Variants in IK observed in about 807,000 individuals in gnomAD.
The protein encoded by IK is IK cytokine.
A neutral mutation model predicts 90.9 loss-of-function variants in IK; 47 were observed. That is an observed-to-expected ratio of 0.52 (90% CI 0.41 to 0.66). IK has a LOEUF of 0.66. Among genes scored for constraint, IK ranks in the 30% least tolerant of loss-of-function variants. The pLI is 0.00. For synonymous variants in IK, 201 were observed against 227.5 expected (o/e 0.88, Z 1.05); for missense variants, 385 against 709.3 (o/e 0.54, Z 5.19).
intron 4 of IK, among the ~76,000 whole-genome samples, 191 bp downstream of exon 4, chr5:140,652,338 C>T (rs932976034): frequency 3.9e-5 from 6 of 151,970 alleles, no homozygotes; most frequent in African/African-American, 4.8e-5. Context: ...ATCTCATCTT[C>T]GCTAGTTTCT....
At chr5:140,659,702 G>A in intron 13 of IK, 54 bp from the exon 14 acceptor site, 1 of 1,109,444 alleles carries the variant, frequency 9.0e-7, no homozygotes, top group East Asian at 2.5e-5. Context: ...GTTGTGGGGA[G>A]GAGGTTGTGA....
In IK at chr5:140,661,314, T is replaced by G; in HGVS notation, c.1414-306T>G. The G allele has an allele frequency of 2.8e-6, 1 of 355,926 alleles. No homozygotes were observed. The highest frequency in any genetic ancestry group is 2.1e-5 in the African/African-American group (1 of 46,894). The allele number at this position is 355,926 out of a possible 1,614,324, so 22.0% of individuals were successfully genotyped here. The stretch of plus-strand genomic sequence containing the variant: ...TGTTTAATCCTGCCTCTACTGTTTA[T>G]TAGTTTTGTGAACTTGCCAAGTTCT... On this transcript the variant is annotated intron_variant, in intron 16 of 19. Coordinates refer to ENST00000417647, the MANE Select transcript of IK (RefSeq NM_006083.4). The surrounding 1 kb of genome is among the most constrained non-coding windows in gnomAD (Gnocchi z 4.2).
rs568203403 is a variant in IK, at chr5:140,648,477, C to T, written c.23C>T (p.Pro8Leu). The change falls in exon 2 of 20, where the codon CCG becomes CTG. Residue 8 changes from proline to leucine, a missense_variant. Transcript: ENST00000417647. MPERDSE[P>L]FSNPLAPDGH... Reference sequence around the variant, plus strand: ...CGTCAATTTTTTTTGTCAGGTGAGCCGTTCTCCAACCCTTTGGCCCCCGAT... The same window carrying T: ...CGTCAATTTTTTTTGTCAGGTGAGCTGTTCTCCAACCCTTTGGCCCCCGAT... 4 of 1,613,950 alleles carry T rather than the reference C, an allele frequency of 2.5e-6. No individual in the cohort carries two copies. Among genetic ancestry groups the T allele is most frequent in the South Asian group, 2.2e-5 (2 of 91,080 alleles).
In IK at chr5:140,661,581, T is replaced by C. The variant is rs1324992003; in HGVS notation, c.1414-39T>C. On this transcript the variant is annotated intron_variant, in intron 16 of 19. Transcript: ENST00000417647. The surrounding 1 kb of genome is among the most constrained non-coding windows in gnomAD (Gnocchi z 4.2). Reference sequence around the variant, plus strand: ...GGCTGAAATTCCATTTCCACTGACATCTCTTCCTTCCCCATCCCCCGATTC... The same window carrying C: ...GGCTGAAATTCCATTTCCACTGACACCTCTTCCTTCCCCATCCCCCGATTC... 2 of 1,415,118 alleles carry C rather than the reference T, an allele frequency of 1.4e-6. No individual in the cohort carries two copies. Among genetic ancestry groups the C allele is most frequent in the Non-Finnish European group, 2.0e-6 (2 of 1,018,240 alleles). The allele number at this position is 1,415,118 out of a possible 1,614,324, so 87.7% of individuals were successfully genotyped here.
chr5:140,653,510 T>TCTC (rs1251071404), intron 5 of IK, among the ~76,000 whole-genome samples: 1 of 149,636 alleles, frequency 6.7e-6, no homozygotes, highest in African/African-American at 2.5e-5. Flanking sequence ...CTGGTCTCGA[T>TCTC]CTGACCTCAT....
rs762057029 is a variant in IK, at chr5:140,648,007, GGTGTGT to G, written c.16+116_16+121del. The G allele has an allele frequency of 1.9e-3, 1,806 of 931,414 alleles. 14 individuals are homozygous for G. The African/African-American group carries it at 0.024, about 13-fold the overall frequency. 57.7% of individuals were successfully genotyped at this position (931,414 alleles called of 1,614,324 possible). Reference sequence around the variant, plus strand: ...TATTGTAGCTTCTGAGCTTAAGCCGGGTGTGTGTGTGTGTGTGTGTGTGTGTGTGTG... The same window carrying G: ...TATTGTAGCTTCTGAGCTTAAGCCGGGTGTGTGTGTGTGTGTGTGTGTGTG... On this transcript the variant is annotated intron_variant, in intron 1 of 19. Coordinates refer to ENST00000417647, the MANE Select transcript of IK (RefSeq NM_006083.4).
intron 12 of IK, 50 bp downstream of exon 12, chr5:140,659,214 A>C (rs753006399): frequency 2.5e-6 from 4 of 1,607,200 alleles, no homozygotes; most frequent in Non-Finnish European, 3.4e-6. Flanking sequence ...CCTCTCTGGA[A>C]ATGTGAGCAA....
chr5:140,651,228 G>C (rs1394690625), intron 2 of IK, among the ~76,000 whole-genome samples: 2 of 152,082 alleles, frequency 1.3e-5, no homozygotes, highest in Non-Finnish European at 2.9e-5. Flanking sequence ...GAGGTGGGCA[G>C]ATCACCTGAG....
chr5:140,651,590 A>C, intron 2 of IK, 124 bp from the exon 3 acceptor site: 1 of 590,604 alleles, frequency 1.7e-6, no homozygotes, highest in Non-Finnish European at 3.0e-6. Flanking sequence ...AAAAAAAAAC[A>C]GTGTCATATC....
At chr5:140,648,223 A>C in intron 1 of IK, 2 of 704,106 alleles carry the variant, frequency 2.8e-6, no homozygotes, top group Non-Finnish European at 2.6e-6. Flanking sequence ...GCGCGTATTT[A>C]TCTTTTACGT....
chr5:140,648,014 G>GTGTT, intron 1 of IK, 90 bp downstream of exon 1: 1 of 863,278 alleles, frequency 1.2e-6, no homozygotes, highest in Non-Finnish European at 1.9e-6. Context: ...CCGGGTGTGT[G>GTGTT]TGTGTGTGTG....
At position 140,659,834 on chromosome 5, in the gene IK, C is replaced by T; in HGVS notation, c.1274C>T (p.Ser425Leu). 3 of 1,584,324 alleles carry T rather than the reference C, an allele frequency of 1.9e-6. No homozygotes were observed. Among genetic ancestry groups the T allele is most frequent in the South Asian group, 1.2e-5 (1 of 86,932 alleles). The part of the protein sequence containing the change: ...AGSAGWEGTE[S>L]LKKPEDKKQL... ...TCTGCTGGCTGGGAAGGCACAGAAT[C>T]ATATCCTTTATTTTAATACGTTCCT... The change falls in exon 14 of 20, where the codon TCG (serine) becomes TTG (leucine). Residue 425 changes from serine to leucine, a missense_variant and splice_region_variant. By Grantham distance (145) the Ser-to-Leu change is moderately radical. Coordinates refer to ENST00000417647, the MANE Select transcript of IK (RefSeq NM_006083.4).
intron 10 of IK, 114 bp from the exon 11 acceptor site, chr5:140,658,623 A>C: frequency 1.1e-6 from 1 of 905,520 alleles, no homozygotes; most frequent in Non-Finnish European, 1.8e-6. Flanking sequence ...CCCAGCCTTG[A>C]CCCACGTTTT....
intron 2 of IK, among the ~76,000 whole-genome samples, chr5:140,650,874 C>T (rs760016885): frequency 2.5e-4 from 38 of 152,144 alleles, no homozygotes; most frequent in Non-Finnish European, 3.8e-4. Flanking sequence ...CCACTGCACC[C>T]GGCCAGACTG....
chr5:140,654,757 G>C, intron 8 of IK, 30 bp downstream of exon 8: 1 of 1,407,994 alleles, frequency 7.1e-7, no homozygotes, highest in Non-Finnish European at 1.0e-6. Flanking sequence ...TAGTGACTAT[G>C]CATTCTGGAT....
At position 140,649,808 on chromosome 5, in the gene IK, C is replaced by T. The variant is rs149481087; in HGVS notation, c.83+1271C>T. ...TCGGCGGCCCAAAGTGCTGGGATTA[C>T]AGGCGTGAGCCACTGCGCCTGGCCC... is the stretch of plus-strand genomic sequence containing the variant. On this transcript the variant is annotated intron_variant, in intron 2 of 19. Coordinates refer to ENST00000417647, the MANE Select transcript of IK (RefSeq NM_006083.4). Among the ~76,000 whole-genome samples the T allele has an allele frequency of 6.6e-3, 1,005 of 152,342 alleles. 2 individuals carry two copies. The highest frequency in any genetic ancestry group is 0.014 in the Admixed American group (207 of 15,312).
Position 140,660,112 on chromosome 5 carries a change from T to C in IK, c.1275-3T>C. On this transcript the variant is annotated splice_polypyrimidine_tract_variant and splice_region_variant and intron_variant, in intron 14 of 19. Coordinates refer to ENST00000417647, the MANE Select transcript of IK (RefSeq NM_006083.4). ...GTGTAGTGTTTTCTTTAACATAGCA[T>C]ATGCTGAAGAAGCCAGAAGACAAAA... The C allele has an allele frequency of 6.2e-7, 1 of 1,612,800 alleles. No homozygotes were observed. Among genetic ancestry groups the C allele is most frequent in the Non-Finnish European group, 8.5e-7 (1 of 1,178,964 alleles).
Position 140,659,336 on chromosome 5 carries a change from GA to G in IK, c.1195+4del. Reference sequence around the variant, plus strand: ...CCAGCCCATGGACGTTGACAAAGGTGAGTTGTACACACAGCATCTCACAGTT... The same window carrying G: ...CCAGCCCATGGACGTTGACAAAGGTGGTTGTACACACAGCATCTCACAGTT... On this transcript the variant is annotated splice_donor_region_variant and intron_variant, in intron 13 of 19. Coordinates refer to ENST00000417647, the MANE Select transcript of IK (RefSeq NM_006083.4). The G allele has an allele frequency of 6.2e-7, 1 of 1,613,988 alleles. No individual in the cohort carries two copies. Among genetic ancestry groups the G allele is most frequent in the Non-Finnish European group, 8.5e-7 (1 of 1,179,862 alleles).
At position 140,661,226 on chromosome 5, in the gene IK, AGAAGTCT is replaced by A. The variant is rs543626490; in HGVS notation, c.1414-392_1414-386del. 2.8e-4 allele frequency: 71 copies of A among 251,274 alleles called. No individual in the cohort carries two copies. Among genetic ancestry groups the A allele is most frequent in the Non-Finnish European group, 4.5e-4 (60 of 132,486 alleles). The allele number at this position is 251,274 out of a possible 1,614,324, so 15.6% of individuals were successfully genotyped here. Reference sequence around the variant, plus strand: ...AAACCACTAATGCCACTAATAGTGAAGAAGTCTGTGTTCTTCCCCTGAGTTCACTGTA... The same window carrying A: ...AAACCACTAATGCCACTAATAGTGAAGTGTTCTTCCCCTGAGTTCACTGTA... On this transcript the variant is annotated intron_variant, in intron 16 of 19. Transcript: ENST00000417647. The surrounding 1 kb of genome is among the most constrained non-coding windows in gnomAD (Gnocchi z 4.2).
Sources: gnomAD v4.1 joint callset for allele counts (sites outside exome capture counted in the v4.1 genomes callset) on GRCh38, gnomAD v4.1.1 for gene constraint, Gnocchi (gnomAD v3.1) non-coding constraint, MANE v1.5 for transcripts, NCBI Gene and HGNC (gene_info 2026-07-23, HGNC 2026-07-21) for gene names.